TUSC3: variants seen among roughly 807,000 people sequenced by gnomAD.
TUSC3 encodes tumor suppressor candidate 3.
In TUSC3, 45 loss-of-function variants were observed where a neutral mutation model predicts 44.8. The observed-to-expected ratio is 1.00, with a 90% CI of 0.79 to 1.29. The LOEUF (loss-of-function observed/expected upper bound fraction) is 1.29, where lower values mean the gene tolerates loss of function less well. TUSC3 is among the 50% of genes most tolerant of loss of function. The pLI is 0.00. For missense variants in TUSC3, 519 were observed against 437.9 expected (o/e 1.19, Z -1.65); for synonymous variants, 212 against 152.9 (o/e 1.39, Z -2.85).
intron 1 of TUSC3, among the ~76,000 whole-genome samples, chr8:15,607,728 GAA>G (rs972682165): frequency 9.2e-5 from 14 of 152,256 alleles, no homozygotes; most frequent in Non-Finnish European, 1.8e-4. Flanking sequence ...GTAAGCTGGA[GAA>G]AAGTGTCCTT....
intron 6 of TUSC3, among the ~76,000 whole-genome samples, chr8:15,730,361 G>A (rs929143865): frequency 2.0e-5 from 3 of 151,968 alleles, no homozygotes; most frequent in Non-Finnish European, 4.4e-5. Flanking sequence ...TTGTACTTTT[G>A]CAATACCTCT....
chr8:15,489,356 A>G (rs1800776556), intron 2 of TUSC3, among the ~76,000 whole-genome samples: 1 of 152,180 alleles, frequency 6.6e-6, no homozygotes, highest in Admixed American at 6.5e-5. Flanking sequence ...GTGGAAACCA[A>G]GGTTCTTATT....
At chr8:15,828,828 C>A in the TUSC3 span, among the ~76,000 whole-genome samples, 1 of 152,164 alleles carries the variant, frequency 6.6e-6, no homozygotes, top group African/African-American at 2.4e-5. Flanking sequence ...GTCTGTTTTT[C>A]TTTCTTTGTG....
At chr8:15,838,429 C>A in the TUSC3 span, among the ~76,000 whole-genome samples, 13,829 of 152,118 alleles carry the variant, frequency 0.091, 737 homozygotes, top group Middle Eastern at 0.18. Flanking sequence ...AACTATATAT[C>A]ATGACTGTGA....
intron 1 of TUSC3, among the ~76,000 whole-genome samples, chr8:15,543,281 T>C (rs1409076430): frequency 6.6e-6 from 1 of 152,220 alleles, no homozygotes; most frequent in African/African-American, 2.4e-5. Flanking sequence ...TGATTTAGCA[T>C]GAACAGTGTT....
chr8:15,655,271 G>T (rs1456689778), intron 3 of TUSC3, among the ~76,000 whole-genome samples: 5 of 152,136 alleles, frequency 3.3e-5, no homozygotes, highest in Non-Finnish European at 7.4e-5. Context: ...AAGTGAGTAG[G>T]CTCAAGCATG....
At chr8:15,668,562 T>C (rs755206982) in intron 5 of TUSC3, among the ~76,000 whole-genome samples, 4 of 151,774 alleles carry the variant, frequency 2.6e-5, no homozygotes, top group Non-Finnish European at 4.4e-5. Flanking sequence ...GTAAATCAGA[T>C]ATGTATATCA....
chr8:15,425,355 G>C (rs183653972), intron 1 of TUSC3, among the ~76,000 whole-genome samples: 5 of 152,130 alleles, frequency 3.3e-5, no homozygotes, highest in African/African-American at 9.7e-5. Context: ...AGACTGTTTC[G>C]TATTGATAGA....
At chr8:15,694,456 A>G (rs1239273961) in intron 6 of TUSC3, among the ~76,000 whole-genome samples, 1 of 140,552 alleles carries the variant, frequency 7.1e-6, no homozygotes, top group Non-Finnish European at 1.6e-5. Context: ...AAAAAAAAAA[A>G]AAAAGATTGT....
intron 9 of TUSC3, chr8:15,748,667 C>T: frequency 2.7e-6 from 2 of 727,328 alleles, no homozygotes; most frequent in African/African-American, 1.7e-5. Context: ...TGTTCCCTGA[C>T]AGCATGTAGT....
intron 6 of TUSC3, among the ~76,000 whole-genome samples, chr8:15,694,548 A>C (rs1025626927): frequency 6.7e-6 from 1 of 150,144 alleles, no homozygotes; most frequent in South Asian, 2.1e-4. Flanking sequence ...GGATGTTTTT[A>C]TCTTCGTGGG....
the TUSC3 span, among the ~76,000 whole-genome samples, chr8:15,841,160 A>G: frequency 1.3e-5 from 2 of 151,790 alleles, no homozygotes; most frequent in African/African-American, 4.8e-5. Flanking sequence ...GCAAACAGCT[A>G]TATGTTTTAT....
chr8:15,451,575 C>A (rs1270678226), intron 1 of TUSC3, among the ~76,000 whole-genome samples: 1 of 152,192 alleles, frequency 6.6e-6, no homozygotes, highest in Non-Finnish European at 1.5e-5. Context: ...AAGCTCCACA[C>A]CCCTTTCCCT....
chr8:15,599,252 C>G (rs1466593592), intron 1 of TUSC3, among the ~76,000 whole-genome samples: 1 of 151,732 alleles, frequency 6.6e-6, no homozygotes, highest in African/African-American at 2.4e-5. Flanking sequence ...CTCTTAAGGT[C>G]TTTGGCCCAT....
intron 1 of TUSC3, among the ~76,000 whole-genome samples, chr8:15,583,630 A>T (rs963173444): frequency 6.6e-6 from 1 of 152,200 alleles, no homozygotes; most frequent in African/African-American, 2.4e-5. Flanking sequence ...TTGAAGTGCA[A>T]TTGGCTGCTT....
At chr8:15,562,875 T>G (rs1355506877) in intron 1 of TUSC3, among the ~76,000 whole-genome samples, 2 of 152,118 alleles carry the variant, frequency 1.3e-5, no homozygotes, top group East Asian at 3.9e-4. Context: ...TCCAGGATAA[T>G]CTCTCATTTA....
At chr8:15,799,363 T>G in the TUSC3 span, among the ~76,000 whole-genome samples, 497 of 152,100 alleles carry the variant, frequency 3.3e-3, 4 homozygotes, top group African/African-American at 0.011. Flanking sequence ...ATAAAACTGT[T>G]GTCAGAAAGG....
At chr8:15,625,694 T>C (rs1352644077) in intron 2 of TUSC3, among the ~76,000 whole-genome samples, 1 of 152,178 alleles carries the variant, frequency 6.6e-6, no homozygotes, top group African/African-American at 2.4e-5. Flanking sequence ...ATTAGTAACT[T>C]GGGTCAATGT....
At chr8:15,550,086 C>T (rs890701500) in intron 1 of TUSC3, among the ~76,000 whole-genome samples, 5 of 151,300 alleles carry the variant, frequency 3.3e-5, no homozygotes, top group Non-Finnish European at 5.9e-5. Flanking sequence ...TAGAATGGAA[C>T]AGAACAGGAC....
Sources: allele counts gnomAD v4.1 joint callset (sites outside exome capture counted in the v4.1 genomes callset), GRCh38; gene constraint gnomAD v4.1.1; transcripts MANE v1.5; gene names NCBI Gene and HGNC (gene_info 2026-07-23, HGNC 2026-07-21).